Variants in PAX7 observed in about 807,000 individuals in gnomAD.
PAX7 encodes paired box protein Pax-7.
PAX7 carries 18 observed loss-of-function variants against 50.7 expected under a neutral mutation model. The observed-to-expected ratio is 0.36, with a 90% confidence interval of 0.25 to 0.53. PAX7 has a LOEUF of 0.53. PAX7 is among the 20% of genes least tolerant of loss of function. The probability of loss-of-function intolerance (pLI) is 0.93; values close to 1 mark genes in which losing one functional copy is unlikely to be tolerated. For synonymous variants in PAX7, 310 were observed against 290.4 expected (o/e 1.07, Z -0.69); for missense variants, 644 against 702.9 (o/e 0.92, Z 0.95).
intron 7 of PAX7, among the ~76,000 whole-genome samples, chr1:18,716,578 C>T (rs967518290): frequency 4.0e-5 from 6 of 151,842 alleles, no homozygotes; most frequent in African/African-American, 1.2e-4. Context: ...TCCCTTCGCG[C>T]CCCATTTCCC....
At position 18,634,324 on chromosome 1, in the gene PAX7, G is replaced by C; in HGVS notation, c.107G>C (p.Gly36Ala). The C allele has an allele frequency of 6.2e-7, 1 of 1,613,906 alleles. No homozygotes were observed. The highest frequency in any genetic ancestry group is 8.5e-7 in the Non-Finnish European group (1 of 1,179,976). The part of the protein sequence containing the change: ...PLEVSTPLGQ[G>A]RVNQLGGVFI... Reference sequence around the variant, plus strand: ...CCAGTGTCCACCCCGCTTGGCCAAGGCCGGGTCAATCAGCTGGGAGGGGTC... The same window carrying C: ...CCAGTGTCCACCCCGCTTGGCCAAGCCCGGGTCAATCAGCTGGGAGGGGTC... Residue 36 changes from glycine (G) to alanine (A), a missense_variant, in exon 2 of 9, where the codon GGC (glycine) becomes GCC (alanine). Physicochemically the swap from Gly to Ala is moderately conservative, Grantham distance 60. Coordinates refer to ENST00000420770, the MANE Select transcript of PAX7 (RefSeq NM_001135254.2). This position sits in a 1 kb window ranked among gnomAD's most constrained non-coding sequence, Gnocchi z 4.0.
At position 18,726,805 on chromosome 1, in the gene PAX7, A is replaced by C. The variant is rs888372001; in HGVS notation, c.1156-8827A>C. 2.6e-5 allele frequency among the ~76,000 whole-genome samples: 4 copies of C among 152,202 alleles called. No homozygotes were observed. The highest frequency in any genetic ancestry group is 4.4e-5 in the Non-Finnish European group (3 of 68,042). On this transcript the variant is annotated intron_variant, in intron 7 of 8. Coordinates refer to ENST00000420770, the MANE Select transcript of PAX7 (RefSeq NM_001135254.2). This position sits in a 1 kb window ranked among gnomAD's most constrained non-coding sequence, Gnocchi z 4.8. Reference sequence around the variant, plus strand: ...TCTTCACTCAGACAGAGCCGGCCTCATGAGTCTTTCCAAGTCTGTATATCA... The same window carrying C: ...TCTTCACTCAGACAGAGCCGGCCTCCTGAGTCTTTCCAAGTCTGTATATCA...
chr1:18,741,058 C>T (rs181658791), intron 8 of PAX7, among the ~76,000 whole-genome samples: 5 of 152,298 alleles, frequency 3.3e-5, no homozygotes, highest in Admixed American at 3.3e-4. Flanking sequence ...AAGGAATAAG[C>T]TCTAGTGTTT....
At chr1:18,720,800 C>T (rs927988901) in intron 7 of PAX7, among the ~76,000 whole-genome samples, 3 of 151,314 alleles carry the variant, frequency 2.0e-5, no homozygotes, top group East Asian at 3.9e-4. Flanking sequence ...CAGAGCAATG[C>T]GGAGGCAGGG....
At position 18,689,249 on chromosome 1, in the gene PAX7, G is replaced by T. The variant is rs561016835; in HGVS notation, c.587-2505G>T. Among the ~76,000 whole-genome samples the T allele has an allele frequency of 6.6e-5, 10 of 152,358 alleles. No individual in the cohort carries two copies. The South Asian group carries it at 2.1e-3, about 32-fold the overall frequency. On this transcript the variant is annotated intron_variant, in intron 4 of 8. Transcript: ENST00000420770. ...GGGCTGGCTTCCGTTGTCACCGTCAGAACACTGAGGTTATGCACTGCATTT... is the reference window on the plus strand; with the variant it reads ...GGGCTGGCTTCCGTTGTCACCGTCATAACACTGAGGTTATGCACTGCATTT...
At chr1:18,701,293 G>A (rs887360069) in intron 6 of PAX7, among the ~76,000 whole-genome samples, 1 of 152,148 alleles carries the variant, frequency 6.6e-6, no homozygotes, top group African/African-American at 2.4e-5. Flanking sequence ...AAGTGAGAGA[G>A]TGACATGAGT....
chr1:18,691,678 T>G, intron 4 of PAX7, 76 bp from the exon 5 acceptor site: 1 of 1,355,580 alleles, frequency 7.4e-7, no homozygotes, highest in Non-Finnish European at 1.0e-6. Context: ...GTGTGCCTTG[T>G]GCTCTCCTCC....
At position 18,636,434 on chromosome 1, in the gene PAX7, C is replaced by T. The variant is rs908249196; in HGVS notation, c.586+63C>T. ...GTTTTCCCACGCTCCGGTGTGCGGG[C>T]CAGTGGTTCGCTCCCGCCGCCGGAG... is the stretch of plus-strand genomic sequence containing the variant. On this transcript the variant is annotated intron_variant, in intron 4 of 8. Coordinates refer to ENST00000420770, the MANE Select transcript of PAX7 (RefSeq NM_001135254.2). The surrounding 1 kb of genome is among the most constrained non-coding windows in gnomAD (Gnocchi z 5.1). 2.4e-5 allele frequency: 37 copies of T among 1,559,208 alleles called. No individual in the cohort carries two copies. The highest frequency in any genetic ancestry group is 3.1e-5 in the Non-Finnish European group (36 of 1,149,240).
At chr1:18,731,468 C>T (rs1302438232) in intron 7 of PAX7, among the ~76,000 whole-genome samples, 2 of 152,070 alleles carry the variant, frequency 1.3e-5, no homozygotes, top group Admixed American at 6.5e-5. Flanking sequence ...TGTGGGTGAG[C>T]CCTTTTGCTT....
chr1:18,703,335 A>G (rs757256075), intron 7 of PAX7, 39 bp downstream of exon 7: 1 of 1,582,766 alleles, frequency 6.3e-7, no homozygotes. Context: ...TCCCACCGCC[A>G]CGAAAGTCAG....
At chr1:18,716,122 TGGGGACGGGTGTCCTTGGCCACCA>T (rs2089416980) in intron 7 of PAX7, among the ~76,000 whole-genome samples, 1 of 152,134 alleles carries the variant, frequency 6.6e-6, no homozygotes, top group African/African-American at 2.4e-5. Flanking sequence ...CCTTTTTCAG[TGGGGACGGGTGTCCTTGGCCACCA>T]GGGGAGTTCT....
intron 7 of PAX7, among the ~76,000 whole-genome samples, chr1:18,731,662 A>G (rs1388038056): frequency 6.6e-6 from 1 of 152,094 alleles, no homozygotes; most frequent in Non-Finnish European, 1.5e-5. Context: ...GCCTGGAGAC[A>G]GGGGGTTGGA....
At chr1:18,645,411 AT>A (rs2088323453) in intron 4 of PAX7, among the ~76,000 whole-genome samples, 1 of 152,244 alleles carries the variant, frequency 6.6e-6, no homozygotes, top group African/African-American at 2.4e-5. Flanking sequence ...GGCGGGCGCG[AT>A]AAGTAGCTCG....
At position 18,740,096 on chromosome 1, in the gene PAX7, C is replaced by G. The variant is rs57295632; in HGVS notation, c.1402+4218C>G. ...CTAATTTGAGACATTTAGAGCCCAG[C>G]CACGGGCGCGAGGCAGAAGAGGGGA... is the stretch of plus-strand genomic sequence containing the variant. On this transcript the variant is annotated intron_variant, in intron 8 of 8. Transcript: ENST00000420770. Among the ~76,000 whole-genome samples the G allele has an allele frequency of 8.4e-3, 1,274 of 152,274 alleles. 17 individuals are homozygous for G. Among genetic ancestry groups the G allele is most frequent in the African/African-American group, 0.028 (1,178 of 41,558 alleles).
At chr1:18,730,455 C>T (rs2100393907) in intron 7 of PAX7, among the ~76,000 whole-genome samples, 1 of 152,252 alleles carries the variant, frequency 6.6e-6, no homozygotes, top group Admixed American at 6.5e-5. Flanking sequence ...CTGACCCCCA[C>T]CCCTATCCTG....
chr1:18,733,748 T>C (rs1386890738), intron 7 of PAX7, among the ~76,000 whole-genome samples: 1 of 152,184 alleles, frequency 6.6e-6, no homozygotes, highest in Non-Finnish European at 1.5e-5. Flanking sequence ...CTGCTGGTCC[T>C]TGGAGTGAGA....
At chr1:18,690,242 A>G (rs1426813379) in intron 4 of PAX7, among the ~76,000 whole-genome samples, 1 of 152,246 alleles carries the variant, frequency 6.6e-6, no homozygotes, top group African/African-American at 2.4e-5. Context: ...GGAATACCAG[A>G]GATGGAGAAG....
intron 4 of PAX7, among the ~76,000 whole-genome samples, chr1:18,687,188 G>A (rs147787272): frequency 3.0e-4 from 45 of 152,178 alleles, no homozygotes; most frequent in African/African-American, 1.0e-3. Context: ...ACCACACCAG[G>A]CCCCATCATC....
chr1:18,634,939 G>A lies in PAX7; in HGVS notation c.322-172G>A, dbSNP rs1198918327. Among the ~76,000 whole-genome samples, 1 of 152,124 alleles carries A rather than the reference G, an allele frequency of 6.6e-6. No individual in the cohort carries two copies. Among genetic ancestry groups the A allele is most frequent in the African/African-American group, 2.4e-5 (1 of 41,412 alleles). On this transcript the variant is annotated intron_variant, in intron 2 of 8. Coordinates refer to ENST00000420770, the MANE Select transcript of PAX7 (RefSeq NM_001135254.2). The surrounding 1 kb of genome is among the most constrained non-coding windows in gnomAD (Gnocchi z 4.0). ...GCCAGACCCCCAGCTGCCTTCCTGG[G>A]AGCCAGGAACCGGTTTCTTGAAAGG...
Sources: allele counts gnomAD v4.1 joint callset (sites outside exome capture counted in the v4.1 genomes callset), GRCh38; gene constraint gnomAD v4.1.1; non-coding constraint Gnocchi (gnomAD v3.1); transcripts MANE v1.5; gene names NCBI Gene and HGNC (gene_info 2026-07-23, HGNC 2026-07-21).